The following CEP164 variants were observed in gnomAD, a reference collection of about 807,000 sequenced individuals.
CEP164 encodes the protein centrosomal protein 164.
CEP164 carries 162 observed loss-of-function variants against 182.7 expected under a neutral mutation model. The observed-to-expected ratio is 0.89, with a 90% CI of 0.78 to 1.01. The LOEUF is 1.01. CEP164 is among the 50% of genes least tolerant of loss of function. CEP164 has a pLI of 0.00. For missense variants in CEP164, 1,735 were observed against 1,790.4 expected (o/e 0.97, Z 0.56); for synonymous variants, 661 against 690.0 (o/e 0.96, Z 0.66).
At chr11:117,410,653 A>G in intron 30 of CEP164, 175 bp from the exon 31 acceptor site, 2 of 526,234 alleles carry the variant, frequency 3.8e-6, no homozygotes, top group Non-Finnish European at 6.8e-6. Flanking sequence ...CAAATTGAAA[A>G]GTAGATTAAG....
At chr11:117,410,625 C>A (rs1348422416) in intron 30 of CEP164, 7 of 499,456 alleles carry the variant, frequency 1.4e-5, no homozygotes, top group Non-Finnish European at 2.5e-5. Context: ...AACAAAATAT[C>A]TTCTTTTTGC....
intron 6 of CEP164, 145 bp downstream of exon 6, chr11:117,362,138 G>C (rs1294836240): frequency 3.6e-6 from 3 of 832,492 alleles, no homozygotes; most frequent in Non-Finnish European, 5.6e-6. Flanking sequence ...AATGTAATTC[G>C]CACCTGTATG....
At chr11:117,381,579 G>A in intron 12 of CEP164, 122 bp from the exon 13 acceptor site, 2 of 1,172,724 alleles carry the variant, frequency 1.7e-6, no homozygotes, top group South Asian at 1.6e-5. Flanking sequence ...GGATGTGGGG[G>A]TGGGGCTGGA....
chr11:117,380,544 C>A, intron 11 of CEP164, 70 bp from the exon 12 acceptor site: 1 of 1,268,244 alleles, frequency 7.9e-7, no homozygotes, highest in Non-Finnish European at 1.1e-6. Context: ...AGCTTGAGAG[C>A]CAGCAGGAGG....
At chr11:117,356,331 G>C (rs2040288690) in intron 5 of CEP164, 6 of 1,144,784 alleles carry the variant, frequency 5.2e-6, no homozygotes, top group Admixed American at 8.1e-5. Context: ...ATGCCGTGCA[G>C]ACACAGCGCC....
intron 27 of CEP164, among the ~76,000 whole-genome samples, chr11:117,402,728 C>T (rs1344320227): frequency 6.6e-6 from 1 of 152,170 alleles, no homozygotes; most frequent in Non-Finnish European, 1.5e-5. Context: ...GTTAGGTCCA[C>T]TTGGTCCAGA....
At chr11:117,352,329 A>G (rs2039745466) in intron 5 of CEP164, among the ~76,000 whole-genome samples, 1 of 152,126 alleles carries the variant, frequency 6.6e-6, no homozygotes, top group African/African-American at 2.4e-5. Flanking sequence ...GGGGACTGAA[A>G]GCAGTTGGCA....
In CEP164 at chr11:117,338,635, G is replaced by C; in HGVS notation, c.49G>C (p.Asp17His). 1 of 1,614,164 alleles carries C rather than the reference G, an allele frequency of 6.2e-7. No homozygotes were observed. Among genetic ancestry groups the C allele is most frequent in the Non-Finnish European group, 8.5e-7 (1 of 1,179,982 alleles). The change falls in exon 3 of 33, where the codon GAT (aspartate) becomes CAT (histidine). Residue 17 changes from aspartate to histidine, a missense_variant. Physicochemically the swap from Asp to His is moderately conservative, Grantham distance 81 (BLOSUM62 -1). Coordinates refer to ENST00000278935, the MANE Select transcript of CEP164 (RefSeq NM_014956.5). Reference protein sequence around the residue: ...RIGDQLVLEEDYDETYIPSEQ... With the variant: ...RIGDQLVLEEHYDETYIPSEQ... ...AGGAGATCAGCTGGTTCTGGAAGAA[G>C]ATTATGATGAGACCTACATTCCTAG...
upstream of CEP164, among the ~76,000 whole-genome samples, chr11:117,323,102 C>G (rs146545540): frequency 5.9e-5 from 9 of 151,738 alleles, no homozygotes; most frequent in Admixed American, 5.9e-4. Context: ...GGTTTCTCCA[C>G]GTTGGCCAGG....
At chr11:117,354,324 T>C (rs1023630146) in intron 5 of CEP164, among the ~76,000 whole-genome samples, 3 of 152,170 alleles carry the variant, frequency 2.0e-5, no homozygotes, top group Non-Finnish European at 2.9e-5. Context: ...GGCTCAAGGT[T>C]GGTGCATTTT....
chr11:117,377,743 T>TA (rs1445872856), intron 11 of CEP164, among the ~76,000 whole-genome samples: 1 of 152,240 alleles, frequency 6.6e-6, no homozygotes, highest in Non-Finnish European at 1.5e-5. Flanking sequence ...AAAATTGACA[T>TA]ACAATAAACT....
Position 117,409,998 on chromosome 11 carries a change from T to C in CEP164, c.4096+33T>C. ...CCACTCTGGGCGGAGCCTTCCCACC[T>C]GCCTCCTCCTCCTCCTCTTCCTTCC... On this transcript the variant is annotated intron_variant, in intron 30 of 32. Coordinates refer to ENST00000278935, the MANE Select transcript of CEP164 (RefSeq NM_014956.5). The surrounding 1 kb of genome is among the most constrained non-coding windows in gnomAD (Gnocchi z 4.4). The C allele has an allele frequency of 6.4e-7, 1 of 1,574,246 alleles. No homozygotes were observed. The highest frequency in any genetic ancestry group is 8.7e-7 in the Non-Finnish European group (1 of 1,146,154).
Position 117,395,763 on chromosome 11 carries a change from C to T in CEP164, c.3089+41C>T, listed in dbSNP as rs112269748. The T allele has an allele frequency of 5.8e-4, 912 of 1,573,458 alleles. 1 individual carries two copies. The African/African-American group carries it at 7.6e-3, about 13-fold the overall frequency. On this transcript the variant is annotated intron_variant, in intron 24 of 32. Coordinates refer to ENST00000278935, the MANE Select transcript of CEP164 (RefSeq NM_014956.5). Reference sequence around the variant, plus strand: ...TGCACTTAGCCCTGCTGGCTGCCTCCTGCCTGCCCTCTGACCTCTGCTGCT... The same window carrying T: ...TGCACTTAGCCCTGCTGGCTGCCTCTTGCCTGCCCTCTGACCTCTGCTGCT...
intron 27 of CEP164, among the ~76,000 whole-genome samples, chr11:117,406,121 G>T (rs1327594699): frequency 1.3e-5 from 2 of 152,128 alleles, no homozygotes; most frequent in South Asian, 4.2e-4. Context: ...TACTGTATTA[G>T]TCTGTTTTCA....
chr11:117,395,734 A>T lies in CEP164; in HGVS notation c.3089+12A>T. The T allele has an allele frequency of 1.2e-6, 2 of 1,600,680 alleles. No homozygotes were observed. The highest frequency in any genetic ancestry group is 1.7e-6 in the Non-Finnish European group (2 of 1,173,982). ...CAGAAACACTTCAGGTGGCGTGGGC[A>T]CCCTGCACTTAGCCCTGCTGGCTGC... On this transcript the variant is annotated intron_variant, in intron 24 of 32. Transcript: ENST00000278935.
chr11:117,331,093 T>C (rs927808172), intron 1 of CEP164, among the ~76,000 whole-genome samples: 1 of 152,250 alleles, frequency 6.6e-6, no homozygotes, highest in Non-Finnish European at 1.5e-5. Flanking sequence ...GAAATAAATA[T>C]ACAGAGAACC....
At position 117,382,886 on chromosome 11, in the gene CEP164, A is replaced by G. The variant is rs1565547587; in HGVS notation, c.1668A>G (p.Ala556=). ...AGCTGGGCCCTGGGCAGGAAGAGGC[A>G]GAGGATCCTGAGGAGAAGGTGGCGG... ...AEELGPGQEE[A]EDPEEKVAVS... The change falls in exon 14 of 33, where the codon GCA becomes GCG. Residue 556 remains alanine (A), a synonymous_variant. Transcript: ENST00000278935. 6.2e-7 allele frequency: 1 copy of G among 1,613,976 alleles called. No homozygotes were observed. Among genetic ancestry groups the G allele is most frequent in the Non-Finnish European group, 8.5e-7 (1 of 1,180,012 alleles).
rs189021253 is a variant in CEP164 at position 117,410,759 on chromosome 11, G to A, written c.4097-69G>A. 1.5e-3 allele frequency: 2,035 copies of A among 1,322,726 alleles called. 31 individuals are homozygous for A. The African/African-American group carries it at 0.026, about 17-fold the overall frequency. 81.9% of individuals were successfully genotyped at this position (1,322,726 alleles called of 1,614,324 possible). A position where few individuals can be genotyped will look rare whatever the true frequency, so the allele number is the denominator to read the frequency against. ...TCCTTTTATTGTTTATTCTGGGGAG[G>A]CAAGAGGTGCTGGTGGGCAGGGTGG... On this transcript the variant is annotated intron_variant, in intron 30 of 32. Coordinates refer to ENST00000278935, the MANE Select transcript of CEP164 (RefSeq NM_014956.5).
chr11:117,377,671 T>C (rs2042899028), intron 11 of CEP164, among the ~76,000 whole-genome samples: 1 of 152,222 alleles, frequency 6.6e-6, no homozygotes, highest in Admixed American at 6.5e-5. Context: ...GCAGAAGGCT[T>C]ATAACTGAGC....
Sources: gnomAD v4.1 joint callset for allele counts (sites outside exome capture counted in the v4.1 genomes callset) on GRCh38, gnomAD v4.1.1 for gene constraint, Gnocchi (gnomAD v3.1) non-coding constraint, MANE v1.5 for transcripts, NCBI Gene and HGNC (gene_info 2026-07-23, HGNC 2026-07-21) for gene names.